MLIP: variants seen among roughly 807,000 people sequenced by gnomAD.
MLIP encodes muscular LMNA-interacting protein.
A neutral mutation model predicts 84.8 loss-of-function variants in MLIP; 79 were observed. That is an observed-to-expected ratio of 0.93 (90% CI 0.78 to 1.12). The LOEUF (loss-of-function observed/expected upper bound fraction) is 1.12. Ranked by LOEUF, MLIP falls within the 50% of genes most tolerant of loss-of-function variation. The probability of loss-of-function intolerance (pLI) is 0.00; values close to 1 mark genes in which losing one functional copy is unlikely to be tolerated. For missense variants in MLIP, 1,257 were observed against 1,160.6 expected, an observed-to-expected ratio of 1.08 and a Z score of -1.21; for synonymous variants, 504 against 463.0, an observed-to-expected ratio of 1.09 and a Z score of -1.14.
Position 54,138,065 on chromosome 6 carries a change from A to T in MLIP, c.1996A>T (p.Asn666Tyr). The change falls in exon 4 of 14, where the codon AAT (asparagine) becomes TAT (tyrosine). Residue 666 changes from asparagine to tyrosine, a missense_variant. Physicochemically the swap from Asn to Tyr is moderately radical, Grantham distance 143 (BLOSUM62 -2). Transcript: ENST00000502396. ...GAGGTCCTCCTCTCTCCCTCATGCC[A>T]ATCTGCCCACCCTGGTGCCCCAGCT... ...NLRSSSLPHANLPTLVPQLSP... is the reference protein window; with the variant it reads ...NLRSSSLPHAYLPTLVPQLSP... 2.0e-6 allele frequency: 3 copies of T among 1,536,058 alleles called. No homozygotes were observed. Among genetic ancestry groups the T allele is most frequent in the Non-Finnish European group, 2.6e-6 (3 of 1,146,864 alleles).
chr6:54,221,730 G>A (rs1378779821), intron 11 of MLIP, among the ~76,000 whole-genome samples: 1 of 149,784 alleles, frequency 6.7e-6, no homozygotes, highest in East Asian at 2.0e-4. Context: ...AATAAAAATA[G>A]GCAAAAGTAG....
chr6:54,146,761 G>C (rs73741450), intron 4 of MLIP, among the ~76,000 whole-genome samples: 2 of 152,206 alleles, frequency 1.3e-5, no homozygotes, highest in African/African-American at 4.8e-5. Context: ...CTCTGTACAG[G>C]CTTTCCCAGC....
chr6:54,215,408 AAGT>A, intron 11 of MLIP: 2 of 1,267,868 alleles, frequency 1.6e-6, no homozygotes, highest in Non-Finnish European at 2.0e-6. Flanking sequence ...CCATACTAAT[AAGT>A]ATTTGTGATT....
At chr6:54,240,640 A>G (rs1781673910) in intron 12 of MLIP, among the ~76,000 whole-genome samples, 1 of 152,182 alleles carries the variant, frequency 6.6e-6, no homozygotes, top group Non-Finnish European at 1.5e-5. Flanking sequence ...TAGGACTCAG[A>G]TTGGGCTGTT....
upstream of MLIP, among the ~76,000 whole-genome samples, chr6:54,107,896 A>G (rs1172475847): frequency 6.6e-6 from 1 of 152,248 alleles, no homozygotes; most frequent in African/African-American, 2.4e-5. Flanking sequence ...GGATGTCTGA[A>G]TAGCCTTGGC....
chr6:54,131,429 A>G (rs111258605), intron 3 of MLIP, among the ~76,000 whole-genome samples: 11 of 152,262 alleles, frequency 7.2e-5, no homozygotes, highest in African/African-American at 2.4e-4. Context: ...CCCACGCAGG[A>G]TAAACCTCCC....
intron 12 of MLIP, among the ~76,000 whole-genome samples, chr6:54,249,950 ACCCTCCACCCTCTGACAGG>A (rs1782353517): frequency 6.6e-6 from 1 of 151,172 alleles, no homozygotes; most frequent in Non-Finnish European, 1.5e-5. Context: ...TCATCCTCCC[ACCCTCCACCCTCTGACAGG>A]CCCCAGTGTC....
chr6:54,101,776 C>T (rs1768669797), intron 1 of MLIP, among the ~76,000 whole-genome samples: 1 of 152,124 alleles, frequency 6.6e-6, no homozygotes, highest in African/African-American at 2.4e-5. Context: ...AGCACTCATG[C>T]TAGTGACAAT....
Position 54,202,141 on chromosome 6 carries a change from T to A in MLIP, c.2626T>A (p.Ser876Thr). The change falls in exon 11 of 14, where the codon TCC (serine) becomes ACC (threonine). Residue 876 changes from serine (S) to threonine (T), a missense_variant. Physicochemically the swap from Ser to Thr is moderately conservative, Grantham distance 58 (BLOSUM62 1). Transcript: ENST00000502396. ...AGTAATTCGCCCAGTACCTGTAAAA[T>A]CCAGAATATTACTGAAAAAAGAGGA... is the stretch of plus-strand genomic sequence containing the variant. ...PGVIRPVPVK[S>T]RILLKKEEEV... is the part of the protein sequence containing the mutation. The A allele has an allele frequency of 6.2e-7, 1 of 1,603,178 alleles. No homozygotes were observed. The highest frequency in any genetic ancestry group is 8.5e-7 in the Non-Finnish European group (1 of 1,173,736).
chr6:54,167,883 T>A (rs2150584632), intron 8 of MLIP, among the ~76,000 whole-genome samples: 1 of 151,862 alleles, frequency 6.6e-6, no homozygotes, highest in African/African-American at 2.4e-5. Context: ...TTTTGGCAAG[T>A]CCTGGTTGAC....
chr6:54,265,348 C>T (rs186656744), intron 13 of MLIP, among the ~76,000 whole-genome samples: 3 of 152,180 alleles, frequency 2.0e-5, no homozygotes. Context: ...CAGTTCAACC[C>T]TATCATATAG....
At chr6:54,159,612 T>G (rs1345195019) in intron 5 of MLIP, among the ~76,000 whole-genome samples, 1 of 151,930 alleles carries the variant, frequency 6.6e-6, no homozygotes, top group African/African-American at 2.4e-5. Flanking sequence ...AATGAAGTAG[T>G]GAAAATTCAG....
At chr6:54,209,480 C>T (rs1405806401) in intron 11 of MLIP, among the ~76,000 whole-genome samples, 3 of 151,996 alleles carry the variant, frequency 2.0e-5, no homozygotes, top group African/African-American at 4.8e-5. Flanking sequence ...AAAGAAAACC[C>T]CAATTTTTTT....
At chr6:54,225,009 G>A (rs544170859) in intron 11 of MLIP, among the ~76,000 whole-genome samples, 38 of 152,248 alleles carry the variant, frequency 2.5e-4, no homozygotes, top group Non-Finnish European at 4.6e-4. Context: ...CATTTGGGTT[G>A]GTTCCATGAT....
intron 2 of MLIP, among the ~76,000 whole-genome samples, 182 bp from the exon 3 acceptor site, chr6:54,124,291 A>C (rs1184822830): frequency 6.6e-6 from 1 of 152,162 alleles, no homozygotes; most frequent in Non-Finnish European, 1.5e-5. Context: ...ACCAGGAAAA[A>C]CAGGTGGGCT....
chr6:54,231,155 A>G (rs996113958), intron 12 of MLIP, among the ~76,000 whole-genome samples: 1 of 152,110 alleles, frequency 6.6e-6, no homozygotes, highest in African/African-American at 2.4e-5. Flanking sequence ...CCTGATTTGT[A>G]TTTTTCACTG....
chr6:54,192,553 G>A lies in MLIP; in HGVS notation c.2589+2639G>A, dbSNP rs561618634. On this transcript the variant is annotated intron_variant, in intron 10 of 13. Coordinates refer to ENST00000502396, the MANE Select transcript of MLIP (RefSeq NM_001281747.2). ...ATGAATTTTCAATATTTGCCATCAC[G>A]AACTCTTTAAGTTCTGAATAATATG... Among the ~76,000 whole-genome samples the A allele has an allele frequency of 7.3e-5, 11 of 151,592 alleles. No homozygotes were observed. The South Asian group carries it at 1.3e-3, about 17-fold the overall frequency.
intron 11 of MLIP, among the ~76,000 whole-genome samples, chr6:54,208,357 A>G (rs929502927): frequency 2.0e-5 from 3 of 152,116 alleles, no homozygotes; most frequent in African/African-American, 7.2e-5. Flanking sequence ...AGGCTGAGGT[A>G]GAAGGATTGC....
rs1376794098 is a variant in MLIP, at chr6:54,069,814, G to T, written c.63+50723G>T. ...TCTTTAAAAAAGACTCAAATCAACT[G>T]TATTTTTAATTTGAGCATAATAGAC... On this transcript the variant is annotated intron_variant, in intron 1 of 12. Transcript: ENST00000274897. Among the ~76,000 whole-genome samples the T allele has an allele frequency of 9.0e-5, 9 of 99,490 alleles. 2 individuals carry two copies. Among genetic ancestry groups the T allele is most frequent in the African/African-American group, 2.3e-4 (9 of 38,940 alleles). 65.3% of individuals were successfully genotyped at this position (99,490 alleles called of 152,430 possible). A position where few individuals can be genotyped will look rare whatever the true frequency, so the allele number is the denominator to read the frequency against.
Sources: gnomAD v4.1 joint callset for allele counts (sites outside exome capture counted in the v4.1 genomes callset) on GRCh38, gnomAD v4.1.1 for gene constraint, MANE v1.5 for transcripts, NCBI Gene and HGNC (gene_info 2026-07-23, HGNC 2026-07-21) for gene names.